The following TCTN2 variants were observed in gnomAD, a reference collection of about 807,000 sequenced individuals.
TCTN2 encodes the protein tectonic-2.
TCTN2 carries 66 observed loss-of-function variants against 83.4 expected under a neutral mutation model. The observed-to-expected ratio is 0.79, with a 90% CI of 0.65 to 0.97. The LOEUF is 0.97. Ranked by LOEUF, TCTN2 falls within the 50% of genes least tolerant of loss-of-function variation. The pLI is 0.00. For synonymous variants in TCTN2, 301 were observed against 326.7 expected (o/e 0.92, Z 0.85); for missense variants, 794 against 858.1 (o/e 0.93, Z 0.93).
chr12:123,677,765 T>TCC (rs1394039056), intron 4 of TCTN2, among the ~76,000 whole-genome samples: 2 of 152,086 alleles, frequency 1.3e-5, no homozygotes, highest in African/African-American at 4.8e-5. Context: ...CCTACAGCTC[T>TCC]CCAGTAGCCC....
At chr12:123,703,066 A>C (rs1215491782) in intron 14 of TCTN2, among the ~76,000 whole-genome samples, 2 of 152,184 alleles carry the variant, frequency 1.3e-5, no homozygotes, top group East Asian at 3.9e-4. Flanking sequence ...ATTCAATTTC[A>C]TTCTCTTCCA....
chr12:123,689,644 T>G (rs898542039), intron 7 of TCTN2, among the ~76,000 whole-genome samples: 2 of 152,186 alleles, frequency 1.3e-5, no homozygotes, highest in Non-Finnish European at 2.9e-5. Context: ...AGTTTTTTTC[T>G]GATCCTCTCC....
intron 8 of TCTN2, among the ~76,000 whole-genome samples, chr12:123,692,296 C>T (rs1313820135): frequency 2.0e-5 from 3 of 152,184 alleles, no homozygotes; most frequent in African/African-American, 4.8e-5. Context: ...CTGCCTGCCT[C>T]GGCCTCCCAA....
intron 6 of TCTN2, among the ~76,000 whole-genome samples, 189 bp downstream of exon 6, chr12:123,687,224 T>C (rs926275741): frequency 6.6e-6 from 1 of 152,336 alleles, no homozygotes; most frequent in African/African-American, 2.4e-5. Context: ...TTGGGCCTCA[T>C]TGAAAAGAAA....
chr12:123,696,862 C>T, intron 12 of TCTN2: 1 of 559,602 alleles, frequency 1.8e-6, no homozygotes, highest in Non-Finnish European at 3.2e-6. Context: ...CGCACACCTG[C>T]CAGAGGCAGT....
chr12:123,671,160 T>C lies in TCTN2; in HGVS notation c.-81T>C. The C allele has an allele frequency of 2.2e-6, 3 of 1,356,148 alleles. No individual in the cohort carries two copies. The highest frequency in any genetic ancestry group is 2.5e-5 in the South Asian group (2 of 81,102). 84.0% of individuals were successfully genotyped at this position (1,356,148 alleles called of 1,614,324 possible). A position where few individuals can be genotyped will look rare whatever the true frequency, so the allele number is the denominator to read the frequency against. On this transcript the variant is annotated 5_prime_UTR_variant, in exon 1 of 18. Coordinates refer to ENST00000303372, the MANE Select transcript of TCTN2 (RefSeq NM_024809.5). ...AAGATGGCGGCGGCGGGGCAGTGGC[T>C]GCTGCGTTTTCGTGTCTGAGTCCTT...
rs1231265422 is a variant in TCTN2 at position 123,673,649 on chromosome 12, G to A, written c.302G>A (p.Gly101Asp). 5 of 1,614,052 alleles carry A rather than the reference G, an allele frequency of 3.1e-6. No homozygotes were observed. Among genetic ancestry groups the A allele is most frequent in the Non-Finnish European group, 4.2e-6 (5 of 1,180,044 alleles). ...GAAGTGACAGTGAGGTGGAAGAGAG[G>A]TCTGGACTGGTGTTCCTCCAATGAG... Reference protein sequence around the residue: ...VLEVTVRWKRGLDWCSSNETD... With the variant: ...VLEVTVRWKRDLDWCSSNETD... Residue 101 changes from glycine to aspartate, a missense_variant, in exon 4 of 18, where the codon GGT (glycine) becomes GAT (aspartate). Transcript: ENST00000303372.
intron 5 of TCTN2, among the ~76,000 whole-genome samples, chr12:123,683,334 G>T (rs1955922696): frequency 6.6e-6 from 1 of 151,752 alleles, no homozygotes; most frequent in Admixed American, 6.6e-5. Flanking sequence ...AGGCTGGAGA[G>T]CAGTGGTGCC....
chr12:123,686,826 T>C lies in TCTN2; in HGVS notation c.565-10T>C, dbSNP rs1955972948. 6.2e-7 allele frequency: 1 copy of C among 1,614,062 alleles called. No homozygotes were observed. Among genetic ancestry groups the C allele is most frequent in the African/African-American group, 1.3e-5 (1 of 74,934 alleles). On this transcript the variant is annotated splice_polypyrimidine_tract_variant and intron_variant, in intron 5 of 17. Transcript: ENST00000303372. ...CGGTCACAGCTCCTGCCTTTATGTT[T>C]GTCTTCCAGGAATGCTCATCAAATT...
chr12:123,696,622 A>C, intron 12 of TCTN2, 127 bp downstream of exon 12: 1 of 815,930 alleles, frequency 1.2e-6, no homozygotes, highest in East Asian at 2.6e-5. Context: ...AGAGAGGTAC[A>C]TGCTGCTGAA....
chr12:123,692,833 C>A, intron 9 of TCTN2, 110 bp downstream of exon 9: 1 of 875,384 alleles, frequency 1.1e-6, no homozygotes, highest in Non-Finnish European at 1.9e-6. Flanking sequence ...TAAAAAGGTT[C>A]ACAATAGTTA....
chr12:123,677,010 TTTACA>T (rs1955831827), intron 4 of TCTN2, among the ~76,000 whole-genome samples: 1 of 152,038 alleles, frequency 6.6e-6, no homozygotes. Flanking sequence ...AGACCCTGTC[TTTACA>T]GAAAATATGA....
chr12:123,687,439 T>C (rs1172133820), intron 6 of TCTN2, among the ~76,000 whole-genome samples: 2 of 150,808 alleles, frequency 1.3e-5, no homozygotes, highest in Non-Finnish European at 3.0e-5. Flanking sequence ...GGGCAGATCA[T>C]GAGGTCAGGA....
intron 3 of TCTN2, among the ~76,000 whole-genome samples, chr12:123,672,998 C>T (rs773239228): frequency 1.4e-4 from 21 of 151,946 alleles, no homozygotes; most frequent in Admixed American, 7.2e-4. Context: ...TGCAGTGAGC[C>T]GAGATCACGC....
chr12:123,696,333 C>T, intron 11 of TCTN2, 82 bp from the exon 12 acceptor site: 2 of 1,156,704 alleles, frequency 1.7e-6, no homozygotes, highest in Admixed American at 1.7e-5. Flanking sequence ...TTTCCTTGTG[C>T]ATGACTCTTG....
At chr12:123,700,035 AG>A (rs1956154226) in intron 14 of TCTN2, 1 of 598,600 alleles carries the variant, frequency 1.7e-6, no homozygotes, top group Admixed American at 2.6e-5. Flanking sequence ...TTTTTGAGAC[AG>A]GGTTTCATTC....
chr12:123,697,081 T>C lies in TCTN2; in HGVS notation c.1394-6T>C, dbSNP rs774357206. On this transcript the variant is annotated splice_region_variant and splice_polypyrimidine_tract_variant and intron_variant, in intron 12 of 17. Transcript: ENST00000303372. ...GTAGCAAGAGGATAATCTTTTTCTTTTATAGCTGGAAGGGGTCTGTGTACA... is the reference window on the plus strand; with the variant it reads ...GTAGCAAGAGGATAATCTTTTTCTTCTATAGCTGGAAGGGGTCTGTGTACA... The C allele has an allele frequency of 4.3e-6, 7 of 1,609,594 alleles. No individual in the cohort carries two copies. The East Asian group carries it at 1.6e-4, about 36-fold the overall frequency.
At chr12:123,703,495 A>T (rs943691056) in intron 14 of TCTN2, among the ~76,000 whole-genome samples, 5 of 151,800 alleles carry the variant, frequency 3.3e-5, no homozygotes, top group African/African-American at 1.2e-4. Context: ...TTTTATTTTT[A>T]TTTTTTGAGA....
chr12:123,683,792 C>T (rs1213374988), intron 5 of TCTN2, among the ~76,000 whole-genome samples: 1 of 152,114 alleles, frequency 6.6e-6, no homozygotes, highest in African/African-American at 2.4e-5. Flanking sequence ...GCGCGTGCCA[C>T]CATGCTCAGC....
Sources: gnomAD v4.1 joint callset for allele counts (sites outside exome capture counted in the v4.1 genomes callset) on GRCh38, gnomAD v4.1.1 for gene constraint, MANE v1.5 for transcripts, NCBI Gene and HGNC (gene_info 2026-07-23, HGNC 2026-07-21) for gene names.